Variants in LARGE1 observed in about 807,000 individuals in gnomAD.
The protein encoded by LARGE1 is xylosyl- and glucuronyltransferase LARGE1.
In LARGE1, 43 loss-of-function variants were observed where a neutral mutation model predicts 87.6. The ratio of observed to expected loss-of-function variants is 0.49; its 90% CI spans 0.38 to 0.63. LARGE1 has a LOEUF of 0.63. Ranked by LOEUF, LARGE1 falls within the 30% of genes least tolerant of loss-of-function variation. The pLI, the probability that LARGE1 is intolerant of heterozygous loss-of-function variation, is 0.00. For missense variants in LARGE1, 802 were observed against 1,000.2 expected, an observed-to-expected ratio of 0.80 and a Z score of 2.67; for synonymous variants, 434 against 394.6, an observed-to-expected ratio of 1.10 and a Z score of -1.18.
intron 2 of LARGE1, among the ~76,000 whole-genome samples, chr22:33,735,825 C>T (rs1449535115): frequency 6.6e-6 from 1 of 152,150 alleles, no homozygotes; most frequent in African/African-American, 2.4e-5. Context: ...TCAAAACCAC[C>T]AATCTACTTT....
At chr22:33,702,156 A>G (rs2082421188) in intron 2 of LARGE1, among the ~76,000 whole-genome samples, 1 of 152,242 alleles carries the variant, frequency 6.6e-6, no homozygotes, top group Non-Finnish European at 1.5e-5. Context: ...TGCTGGGAAC[A>G]TAATAACCGC....
At chr22:33,578,239 T>A (rs894528141) in intron 5 of LARGE1, among the ~76,000 whole-genome samples, 1 of 152,198 alleles carries the variant, frequency 6.6e-6, no homozygotes, top group Non-Finnish European at 1.5e-5. Flanking sequence ...GGGAAAAATG[T>A]CACCCTTAAA....
In LARGE1 at chr22:33,283,241, A is replaced by G; in HGVS notation, c.1838T>C (p.Leu613Ser). 1 of 1,614,156 alleles carries G rather than the reference A, an allele frequency of 6.2e-7. No individual in the cohort carries two copies. The highest frequency in any genetic ancestry group is 8.5e-7 in the Non-Finnish European group (1 of 1,180,044). Residue 613 changes from leucine to serine, a missense_variant, in exon 13 of 15, where the codon TTG becomes TCG. Around this residue, in one of 2 missense-constraint regions of LARGE1, gnomAD observed 625 missense variants for 841.9 expected, o/e 0.74. Transcript: ENST00000397394. ...GGTCCCCATGTCCAGCATTGACAGC[A>G]ACTCCGCTTTTGACTTGGGGAAGGA... The part of the protein sequence containing the change: ...RLSFPKSKAE[L>S]LSMLDMGTLF...
At chr22:33,358,833 C>G (rs2064275427) in intron 9 of LARGE1, among the ~76,000 whole-genome samples, 1 of 151,616 alleles carries the variant, frequency 6.6e-6, no homozygotes, top group South Asian at 2.1e-4. Context: ...TAAAATACAA[C>G]AACAACAACA....
intron 11 of LARGE1, among the ~76,000 whole-genome samples, chr22:33,310,561 GC>G (rs1352371609): frequency 3.9e-5 from 6 of 152,116 alleles, no homozygotes; most frequent in African/African-American, 1.4e-4. Context: ...GAGTGCGAAG[GC>G]CGGCTCTCCT....
chr22:33,897,851 T>C (rs1175013506), intron 1 of LARGE1, among the ~76,000 whole-genome samples: 1 of 152,192 alleles, frequency 6.6e-6, no homozygotes, highest in African/African-American at 2.4e-5. Flanking sequence ...CCCATCATTG[T>C]TTTAATATTG....
chr22:33,170,370 A>AAAAT (rs973594882), intron 11 of LARGE1, among the ~76,000 whole-genome samples: 2 of 152,104 alleles, frequency 1.3e-5, no homozygotes, highest in African/African-American at 2.4e-5. Flanking sequence ...CTCCATCTCA[A>AAAAT]AAATAAATAA....
intron 2 of LARGE1, among the ~76,000 whole-genome samples, chr22:33,692,249 G>A (rs1011487918): frequency 6.6e-6 from 1 of 152,130 alleles, no homozygotes; most frequent in Non-Finnish European, 1.5e-5. Flanking sequence ...TATTCATGCA[G>A]CCATCAGCCA....
intron 6 of LARGE1, among the ~76,000 whole-genome samples, chr22:33,550,176 CAT>C (rs56762247): frequency 0.047 from 5,625 of 120,354 alleles, 161 homozygotes; most frequent in East Asian, 0.15. Flanking sequence ...CACACACACA[CAT>C]ATATATATAT....
intron 6 of LARGE1, among the ~76,000 whole-genome samples, chr22:33,465,261 T>C (rs1243237820): frequency 1.3e-5 from 2 of 152,156 alleles, no homozygotes; most frequent in African/African-American, 4.8e-5. Context: ...GAAATACATA[T>C]TGCTTGTGAT....
At chr22:33,127,932 T>A in the LARGE1 span, among the ~76,000 whole-genome samples, 12 of 152,388 alleles carry the variant, frequency 7.9e-5, no homozygotes, top group South Asian at 2.3e-3. Flanking sequence ...TCATCATATC[T>A]GGAACATTTT....
intron 11 of LARGE1, among the ~76,000 whole-genome samples, chr22:33,261,925 C>T (rs1485661638): frequency 6.6e-6 from 1 of 152,216 alleles, no homozygotes; most frequent in Non-Finnish European, 1.5e-5. Flanking sequence ...CAGGAATGCT[C>T]ATAAGAACTA....
chr22:33,602,691 TG>T (rs2079143855), intron 5 of LARGE1, among the ~76,000 whole-genome samples: 1 of 152,010 alleles, frequency 6.6e-6, no homozygotes, highest in South Asian at 2.1e-4. Context: ...AAAATTTTTT[TG>T]TAGAGGTGGG....
At chr22:33,521,068 T>C (rs2071560961) in intron 6 of LARGE1, among the ~76,000 whole-genome samples, 1 of 152,228 alleles carries the variant, frequency 6.6e-6, no homozygotes, top group African/African-American at 2.4e-5. Flanking sequence ...CACTGTTGCC[T>C]GGTTGCAAAA....
At chr22:33,921,109 A>G (rs2065938014), upstream of LARGE1, among the ~76,000 whole-genome samples, 2 of 150,146 alleles carry the variant, frequency 1.3e-5, no homozygotes, top group Non-Finnish European at 3.0e-5. This position sits in a 1 kb window ranked among gnomAD's most constrained non-coding sequence, Gnocchi z 4.1. Flanking sequence ...CCCGCCCCCG[A>G]CCCCGTGACC....
the LARGE1 span, among the ~76,000 whole-genome samples, chr22:33,137,861 C>A: frequency 6.6e-6 from 1 of 152,102 alleles, no homozygotes; most frequent in South Asian, 2.1e-4. Flanking sequence ...TATATGGAAA[C>A]CCCTGGATGC....
the LARGE1 span, among the ~76,000 whole-genome samples, chr22:33,070,116 C>G: frequency 1.3e-4 from 20 of 152,210 alleles, no homozygotes; most frequent in Non-Finnish European, 2.5e-4. Context: ...GCTGCCGCTC[C>G]TGGCCTGTTA....
chr22:33,299,080 C>T (rs1017625048), intron 12 of LARGE1, among the ~76,000 whole-genome samples: 2 of 151,892 alleles, frequency 1.3e-5, no homozygotes, highest in East Asian at 1.9e-4. Flanking sequence ...AGCATGGTGG[C>T]GCATGCCTAT....
At chr22:33,188,004 G>A (rs1248517910) in intron 11 of LARGE1, among the ~76,000 whole-genome samples, 1 of 135,170 alleles carries the variant, frequency 7.4e-6, no homozygotes, top group Non-Finnish European at 1.6e-5. Context: ...CAAAAAAATA[G>A]TGTGTGCGGT....
Sources: gnomAD v4.1 joint callset for allele counts (sites outside exome capture counted in the v4.1 genomes callset) on GRCh38, gnomAD v4.1.1 for gene constraint, gnomAD v4.1.1 regional missense constraint, Gnocchi (gnomAD v3.1) non-coding constraint, MANE v1.5 for transcripts, NCBI Gene and HGNC (gene_info 2026-07-23, HGNC 2026-07-21) for gene names.